CABP7: variants seen among roughly 807,000 people sequenced by gnomAD.
The protein encoded by CABP7 is calcium binding protein 7.
CABP7 carries 13 observed loss-of-function variants against 23.1 expected under a neutral mutation model. The observed-to-expected ratio is 0.56, with a 90% confidence interval of 0.37 to 0.90. CABP7 has a LOEUF of 0.90. Among genes scored for constraint, CABP7 ranks in the 40% least tolerant of loss-of-function variants. CABP7 has a pLI of 0.01. For synonymous variants in CABP7, 123 were observed against 115.3 expected (o/e 1.07, Z -0.43); for missense variants, 248 against 295.6 (o/e 0.84, Z 1.18).
At chr22:29,721,994 TCTC>T (rs1023556398) in intron 1 of CABP7, among the ~76,000 whole-genome samples, 3 of 151,958 alleles carry the variant, frequency 2.0e-5, no homozygotes. Flanking sequence ...GCATAGGCCT[TCTC>T]CTCCCCACCT....
chr22:29,728,315 C>T (rs576534628), intron 2 of CABP7, among the ~76,000 whole-genome samples: 1 of 152,284 alleles, frequency 6.6e-6, no homozygotes, highest in South Asian at 2.1e-4. Flanking sequence ...TGGAGGATGG[C>T]CCACCCCAGG....
In CABP7 at chr22:29,720,845, G is replaced by C. The variant is rs2011618446; in HGVS notation, c.109+312G>C. 6.6e-6 allele frequency among the ~76,000 whole-genome samples: 1 copy of C among 151,696 alleles called. No homozygotes were observed. The highest frequency in any genetic ancestry group is 1.5e-5 in the Non-Finnish European group (1 of 67,824). On this transcript the variant is annotated intron_variant, in intron 1 of 4. Coordinates refer to ENST00000216144, the MANE Select transcript of CABP7 (RefSeq NM_182527.3). The surrounding 1 kb of genome is among the most constrained non-coding windows in gnomAD (Gnocchi z 5.2). ...GCGGTGACGGTGCGGCAACGCGGCGGACTGGGGCGGGGGTCCGCGCTGAGC... is the reference window on the plus strand; with the variant it reads ...GCGGTGACGGTGCGGCAACGCGGCGCACTGGGGCGGGGGTCCGCGCTGAGC...
rs201946698 is a variant in CABP7, at chr22:29,720,478, G to A, written c.54G>A (p.Val18=). 3 of 1,564,204 alleles carry A rather than the reference G, an allele frequency of 1.9e-6. No homozygotes were observed. The highest frequency in any genetic ancestry group is 5.1e-5 in the East Asian group (2 of 39,384). Residue 18 remains valine, a synonymous_variant, in exon 1 of 5, where the codon GTG becomes GTA. Transcript: ENST00000216144. This position sits in a 1 kb window ranked among gnomAD's most constrained non-coding sequence, Gnocchi z 5.2. ...AALMYRGIYT[V]PNLLSEQRPV... ...TGATGTACCGGGGCATCTACACCGTGCCCAACCTGCTGTCGGAGCAGCGCC... is the reference window on the plus strand; with the variant it reads ...TGATGTACCGGGGCATCTACACCGTACCCAACCTGCTGTCGGAGCAGCGCC...
intron 1 of CABP7, among the ~76,000 whole-genome samples, chr22:29,724,934 A>C (rs1175924659): frequency 6.6e-6 from 1 of 152,188 alleles, no homozygotes; most frequent in African/African-American, 2.4e-5. Flanking sequence ...CCAGCAAAGC[A>C]GCCCTGGGCT....
At position 29,727,619 on chromosome 22, in the gene CABP7, G is replaced by A. The variant is rs907584972; in HGVS notation, c.110-43G>A. On this transcript the variant is annotated intron_variant, in intron 1 of 4. Transcript: ENST00000216144. This position sits in a 1 kb window ranked among gnomAD's most constrained non-coding sequence, Gnocchi z 4.2. Reference sequence around the variant, plus strand: ...TGGGGGTCTGGAAAGGGGGTCTGTTGGGGACCGGGGTGAAGTCCCAGCCTA... The same window carrying A: ...TGGGGGTCTGGAAAGGGGGTCTGTTAGGGACCGGGGTGAAGTCCCAGCCTA... 3 of 1,611,268 alleles carry A rather than the reference G, an allele frequency of 1.9e-6. No homozygotes were observed. Among genetic ancestry groups the A allele is most frequent in the African/African-American group, 1.3e-5 (1 of 74,864 alleles).
chr22:29,728,578 G>A (rs1230556739), intron 2 of CABP7, 52 bp from the exon 3 acceptor site: 2 of 1,199,484 alleles, frequency 1.7e-6, no homozygotes, highest in Admixed American at 1.7e-5. Flanking sequence ...TGGGCCCTGG[G>A]CTGCAGGCCT....
chr22:29,725,425 A>G (rs746196039), intron 1 of CABP7, among the ~76,000 whole-genome samples: 1 of 152,182 alleles, frequency 6.6e-6, no homozygotes, highest in Non-Finnish European at 1.5e-5. Context: ...CACATCAGTC[A>G]TTCATTCATT....
chr22:29,721,767 AG>A (rs1175903631), intron 1 of CABP7, among the ~76,000 whole-genome samples: 5 of 152,176 alleles, frequency 3.3e-5, no homozygotes, highest in African/African-American at 7.2e-5. Context: ...CATAGGCATG[AG>A]CCACCAGGCT....
chr22:29,725,111 C>T (rs2067785990), intron 1 of CABP7, among the ~76,000 whole-genome samples: 1 of 152,212 alleles, frequency 6.6e-6, no homozygotes, highest in East Asian at 1.9e-4. Flanking sequence ...GGAGGAGGAG[C>T]GGTGCCTGAC....
Position 29,727,738 on chromosome 22 carries a change from G to A in CABP7, c.186G>A (p.Met62Ile), listed in dbSNP as rs1234208760. ...FISKQELGTA[M>I]RSLGYMPNEV... The stretch of plus-strand genomic sequence containing the variant: ...CCAAGCAGGAGCTGGGCACAGCCAT[G>A]CGCTCACTGGGTTACATGCCCAACG... The change falls in exon 2 of 5, where the codon ATG becomes ATA. Residue 62 changes from methionine to isoleucine, a missense_variant. Coordinates refer to ENST00000216144, the MANE Select transcript of CABP7 (RefSeq NM_182527.3). This position sits in a 1 kb window ranked among gnomAD's most constrained non-coding sequence, Gnocchi z 4.2. 6.2e-7 allele frequency: 1 copy of A among 1,613,626 alleles called. No individual in the cohort carries two copies. The highest frequency in any genetic ancestry group is 1.1e-5 in the South Asian group (1 of 91,020).
In CABP7 at chr22:29,728,676, C is replaced by A; in HGVS notation, c.300C>A (p.Pro100=). The change falls in exon 3 of 5, where the codon CCC becomes CCA. Residue 100 remains proline, a synonymous_variant. Transcript: ENST00000216144. Reference sequence around the variant, plus strand: ...AGGAGTTTGTGACCCTTCTGGGACCCAAACTCTCCACCTCAGGGATCCCAG... The same window carrying A: ...AGGAGTTTGTGACCCTTCTGGGACCAAAACTCTCCACCTCAGGGATCCCAG... ...DFEEFVTLLG[P]KLSTSGIPEK... The A allele has an allele frequency of 6.2e-7, 1 of 1,613,760 alleles. No individual in the cohort carries two copies. Among genetic ancestry groups the A allele is most frequent in the Non-Finnish European group, 8.5e-7 (1 of 1,179,930 alleles).
rs1373023752 is a variant in CABP7, at chr22:29,727,462, C to T, written c.110-200C>T. Among the ~76,000 whole-genome samples, 1 of 152,222 alleles carries T rather than the reference C, an allele frequency of 6.6e-6. No individual in the cohort carries two copies. The highest frequency in any genetic ancestry group is 6.5e-5 in the Admixed American group (1 of 15,286). On this transcript the variant is annotated intron_variant, in intron 1 of 4. Coordinates refer to ENST00000216144, the MANE Select transcript of CABP7 (RefSeq NM_182527.3). The surrounding 1 kb of genome is among the most constrained non-coding windows in gnomAD (Gnocchi z 4.2). ...CTGGGGGGCCTTGAGCCCTGCTTTA[C>T]TGCCCTGCTCAGCCTGCCCAGAGGT... is the stretch of plus-strand genomic sequence containing the variant.
At chr22:29,725,496 GAC>G (rs1294711777) in intron 1 of CABP7, among the ~76,000 whole-genome samples, 1 of 152,186 alleles carries the variant, frequency 6.6e-6, no homozygotes, top group East Asian at 1.9e-4. Flanking sequence ...AGGCAACAGG[GAC>G]ACAGCCACGA....
At chr22:29,724,115 GGGTGCTGATGGCACAAC>G (rs1301692231) in intron 1 of CABP7, among the ~76,000 whole-genome samples, 1 of 152,228 alleles carries the variant, frequency 6.6e-6, no homozygotes, top group Non-Finnish European at 1.5e-5. Flanking sequence ...CCCAGCTGTG[GGGTGCTGATGGCACAAC>G]GGTGGCAGGA....
chr22:29,725,027 C>G (rs890501119), intron 1 of CABP7, among the ~76,000 whole-genome samples: 1 of 152,128 alleles, frequency 6.6e-6, no homozygotes, highest in African/African-American at 2.4e-5. Flanking sequence ...CACTGCATCC[C>G]CTACTGTGAG....
Position 29,727,668 on chromosome 22 carries a change from G to A in CABP7, c.116G>A (p.Arg39Gln), listed in dbSNP as rs1348835731. The A allele has an allele frequency of 6.8e-6, 11 of 1,613,656 alleles. No individual in the cohort carries two copies. The highest frequency in any genetic ancestry group is 1.7e-5 in the Admixed American group (1 of 59,972). Residue 39 changes from arginine (R) to glutamine (Q), a missense_variant, in exon 2 of 5, where the codon CGA (arginine) becomes CAA (glutamine). Arg to Gln is a conservative substitution (Grantham distance 43). Coordinates refer to ENST00000216144, the MANE Select transcript of CABP7 (RefSeq NM_182527.3). This position sits in a 1 kb window ranked among gnomAD's most constrained non-coding sequence, Gnocchi z 4.2. ...DIPEDELEEI[R>Q]EAFKVFDRDG... The stretch of plus-strand genomic sequence containing the variant: ...TACTCCATTCTCTCCTCAGAGATCC[G>A]AGAGGCCTTCAAGGTGTTTGACCGT...
chr22:29,729,268 C>T lies in CABP7; in HGVS notation c.520+60C>T, dbSNP rs181281994. On this transcript the variant is annotated intron_variant, in intron 4 of 4. Coordinates refer to ENST00000216144, the MANE Select transcript of CABP7 (RefSeq NM_182527.3). ...CCAGTGACTTGGCCAGGGGGACGCA[C>T]GGGGTGGGGAGAGTCTGCAGAGGGG... is the stretch of plus-strand genomic sequence containing the variant. 7.6e-4 allele frequency: 1,172 copies of T among 1,551,488 alleles called. 7 individuals are homozygous for T. The African/African-American group carries it at 0.014, about 18-fold the overall frequency.
At chr22:29,724,450 T>G (rs1017801729) in intron 1 of CABP7, among the ~76,000 whole-genome samples, 29 of 152,202 alleles carry the variant, frequency 1.9e-4, no homozygotes, top group Non-Finnish European at 3.8e-4. Context: ...GCCAGACACA[T>G]GCTTGATTTT....
chr22:29,731,314 C>A lies in CABP7; in HGVS notation c.*1745C>A, dbSNP rs777376899. The A allele has an allele frequency of 2.6e-6, 4 of 1,531,406 alleles. No individual in the cohort carries two copies. The highest frequency in any genetic ancestry group is 3.5e-6 in the Non-Finnish European group (4 of 1,150,866). 94.9% of individuals were successfully genotyped at this position (1,531,406 alleles called of 1,614,324 possible). On this transcript the variant is annotated 3_prime_UTR_variant, in exon 5 of 5. Coordinates refer to ENST00000216144, the MANE Select transcript of CABP7 (RefSeq NM_182527.3). The stretch of plus-strand genomic sequence containing the variant: ...GGCAGCTCCTGAACTGGTGGCCAGC[C>A]CACGGGGTACTGGAAGACAGTGGTT...
Sources: allele counts gnomAD v4.1 joint callset (sites outside exome capture counted in the v4.1 genomes callset), GRCh38; gene constraint gnomAD v4.1.1; non-coding constraint Gnocchi (gnomAD v3.1); transcripts MANE v1.5; gene names NCBI Gene and HGNC (gene_info 2026-07-23, HGNC 2026-07-21).